The following HS3ST4 variants were observed in gnomAD, a reference collection of about 807,000 sequenced individuals.
HS3ST4 encodes the protein heparan sulfate-glucosamine 3-sulfotransferase 4.
A neutral mutation model predicts 29.2 loss-of-function variants in HS3ST4; 17 were observed. The ratio of observed to expected loss-of-function variants is 0.58; its 90% CI spans 0.40 to 0.87. The LOEUF is 0.87. Among genes scored for constraint, HS3ST4 ranks in the 40% least tolerant of loss-of-function variants. The pLI, the probability that HS3ST4 is intolerant of heterozygous loss-of-function variation, is 0.00. For synonymous variants in HS3ST4, 314 were observed against 285.7 expected (o/e 1.10, Z -1.00); for missense variants, 627 against 634.5 (o/e 0.99, Z 0.13).
intron 1 of HS3ST4, among the ~76,000 whole-genome samples, chr16:26,098,043 C>A (rs557132490): frequency 1.1e-3 from 164 of 152,324 alleles, no homozygotes; most frequent in African/African-American, 3.7e-3. Flanking sequence ...GATACCATCT[C>A]ACGCCAGTTA....
chr16:26,073,973 A>C (rs1004295367), intron 1 of HS3ST4, among the ~76,000 whole-genome samples: 5 of 152,348 alleles, frequency 3.3e-5, no homozygotes, highest in African/African-American at 1.2e-4. Flanking sequence ...CTATAAAATT[A>C]TAGCAATTGG....
At chr16:25,836,335 A>G (rs1438005343) in intron 1 of HS3ST4, among the ~76,000 whole-genome samples, 1 of 152,162 alleles carries the variant, frequency 6.6e-6, no homozygotes, top group Non-Finnish European at 1.5e-5. Context: ...CAGGAAGTTC[A>G]TATCCCTAAG....
chr16:25,777,784 G>T (rs188556640), intron 1 of HS3ST4, among the ~76,000 whole-genome samples: 2 of 151,928 alleles, frequency 1.3e-5, no homozygotes, highest in African/African-American at 4.8e-5. Flanking sequence ...AACAAACAAA[G>T]AAATCGAAAC....
chr16:26,093,339 G>T (rs970695425), intron 1 of HS3ST4, among the ~76,000 whole-genome samples: 2 of 152,108 alleles, frequency 1.3e-5, no homozygotes, highest in Non-Finnish European at 2.9e-5. Flanking sequence ...TCCCAGTAGG[G>T]GCTGACAGAC....
At chr16:26,039,938 C>T (rs751700049) in intron 1 of HS3ST4, among the ~76,000 whole-genome samples, 1 of 152,142 alleles carries the variant, frequency 6.6e-6, no homozygotes, top group Admixed American at 6.5e-5. Context: ...GCAACAATGC[C>T]TCAGTGAATG....
chr16:26,055,736 C>G (rs1165497820), intron 1 of HS3ST4, among the ~76,000 whole-genome samples: 1 of 152,164 alleles, frequency 6.6e-6, no homozygotes, highest in Non-Finnish European at 1.5e-5. Flanking sequence ...CATATGGAAG[C>G]TCTATTTTCT....
intron 1 of HS3ST4, among the ~76,000 whole-genome samples, chr16:25,830,360 A>G (rs964962286): frequency 6.6e-6 from 1 of 152,084 alleles, no homozygotes. Context: ...TATCACCCCA[A>G]TGGAGATTTC....
At chr16:25,925,004 GTA>G (rs1968389024) in intron 1 of HS3ST4, among the ~76,000 whole-genome samples, 1 of 152,092 alleles carries the variant, frequency 6.6e-6, no homozygotes, top group Non-Finnish European at 1.5e-5. Context: ...TACAGGGCAT[GTA>G]ATAAATCCCA....
chr16:25,851,015 A>G (rs1043230411), intron 1 of HS3ST4, among the ~76,000 whole-genome samples: 22 of 152,174 alleles, frequency 1.4e-4, no homozygotes, highest in Non-Finnish European at 2.8e-4. Context: ...GTGGCTGGCA[A>G]TTCTAAGCGG....
At position 26,104,880 on chromosome 16, in the gene HS3ST4, T is replaced by C. The variant is rs141814376; in HGVS notation, c.735-30732T>C. Among the ~76,000 whole-genome samples, 5 of 152,278 alleles carry C rather than the reference T, an allele frequency of 3.3e-5. No homozygotes were observed. The East Asian group carries it at 9.7e-4, about 29-fold the overall frequency. On this transcript the variant is annotated intron_variant, in intron 1 of 1. Transcript: ENST00000331351. ...TGGAGCAGTCCTTGGTTCTTCTCTT[T>C]CTCCCACACCTCAAACTCAATCTAC...
intron 1 of HS3ST4, among the ~76,000 whole-genome samples, chr16:25,810,850 A>G (rs1967034902): frequency 6.6e-6 from 1 of 152,128 alleles, no homozygotes; most frequent in Non-Finnish European, 1.5e-5. Context: ...TTATTTCCTC[A>G]TTTATGTTTT....
At chr16:26,011,223 T>C (rs1363497562) in intron 1 of HS3ST4, among the ~76,000 whole-genome samples, 3 of 152,170 alleles carry the variant, frequency 2.0e-5, no homozygotes, top group Admixed American at 1.3e-4. Context: ...TAAAGACTGA[T>C]GGGGATTATG....
intron 1 of HS3ST4, among the ~76,000 whole-genome samples, chr16:25,882,892 C>G (rs1967908705): frequency 1.3e-5 from 2 of 152,104 alleles, no homozygotes; most frequent in Non-Finnish European, 2.9e-5. Flanking sequence ...TCCAGGGGAC[C>G]CAGCTTCTTC....
chr16:25,717,592 C>T (rs1248283830), intron 1 of HS3ST4, among the ~76,000 whole-genome samples: 3 of 147,864 alleles, frequency 2.0e-5, no homozygotes, highest in Non-Finnish European at 3.0e-5. Context: ...TGTGTAAAAA[C>T]CTCACAGTGG....
At chr16:25,844,441 T>C (rs950200704) in intron 1 of HS3ST4, among the ~76,000 whole-genome samples, 1 of 152,246 alleles carries the variant, frequency 6.6e-6, no homozygotes, top group Non-Finnish European at 1.5e-5. Flanking sequence ...GTTGCTCTTA[T>C]TCCTTTTAAT....
intron 1 of HS3ST4, among the ~76,000 whole-genome samples, chr16:25,939,159 T>C (rs1968548708): frequency 6.6e-6 from 1 of 152,024 alleles, no homozygotes; most frequent in Non-Finnish European, 1.5e-5. Flanking sequence ...GGGATGGTGG[T>C]GGGGAATAGA....
intron 1 of HS3ST4, among the ~76,000 whole-genome samples, chr16:25,934,379 A>C (rs1401555665): frequency 1.3e-5 from 2 of 152,308 alleles, no homozygotes; most frequent in East Asian, 3.9e-4. Context: ...TGGCCATTAC[A>C]CTTCTTTGTG....
intron 1 of HS3ST4, among the ~76,000 whole-genome samples, chr16:25,875,656 A>G (rs1967823317): frequency 6.6e-6 from 1 of 152,102 alleles, no homozygotes; most frequent in South Asian, 2.1e-4. Flanking sequence ...TGTGCCTTCA[A>G]ATTTCAATTC....
intron 1 of HS3ST4, among the ~76,000 whole-genome samples, chr16:25,916,833 C>G (rs541168905): frequency 6.6e-6 from 1 of 151,826 alleles, no homozygotes; most frequent in Non-Finnish European, 1.5e-5. Flanking sequence ...GCGCCTGCGA[C>G]CACGCCCGGC....
Sources: allele counts gnomAD v4.1 joint callset (sites outside exome capture counted in the v4.1 genomes callset), GRCh38; gene constraint gnomAD v4.1.1; transcripts MANE v1.5; gene names NCBI Gene and HGNC (gene_info 2026-07-23, HGNC 2026-07-21).